Variants in PKP2 observed in about 807,000 individuals in gnomAD.
PKP2 encodes plakophilin 2.
PKP2 carries 73 observed loss-of-function variants against 83.4 expected under a neutral mutation model. The ratio of observed to expected loss-of-function variants is 0.88; its 90% confidence interval spans 0.72 to 1.06. The LOEUF is 1.06. PKP2 is among the 50% of genes least tolerant of loss of function. The pLI, the probability that PKP2 is intolerant of heterozygous loss-of-function variation, is 0.00. For missense variants in PKP2, 966 were observed against 1,065.4 expected (o/e 0.91, Z 1.30); for synonymous variants, 409 against 430.4 (o/e 0.95, Z 0.62).
At chr12:32,833,857 C>T (rs1412758882) in intron 6 of PKP2, among the ~76,000 whole-genome samples, 6 of 152,146 alleles carry the variant, frequency 3.9e-5, no homozygotes, top group Non-Finnish European at 4.4e-5. Flanking sequence ...ACAAAGCAGA[C>T]TGCACCTTTA....
At chr12:32,809,585 G>T (rs1114702) in intron 9 of PKP2, among the ~76,000 whole-genome samples, 132,444 of 152,234 alleles carry the variant, frequency 0.87, 57,894 homozygotes, top group Non-Finnish European at 0.92. Context: ...CCTAGGGGAA[G>T]GTACAAAGGG....
intron 6 of PKP2, among the ~76,000 whole-genome samples, chr12:32,828,633 C>T (rs939675700): frequency 6.6e-6 from 1 of 152,186 alleles, no homozygotes; most frequent in Non-Finnish European, 1.5e-5. Context: ...GTTACAGGCT[C>T]TTCCACATAA....
At chr12:32,851,036 G>A in intron 4 of PKP2, 63 bp from the exon 5 acceptor site, 1 of 1,337,238 alleles carries the variant, frequency 7.5e-7, no homozygotes, top group South Asian at 1.2e-5. Context: ...GGCATTCAAT[G>A]TAATACAAAC....
rs190640544 is a variant in PKP2, at chr12:32,841,259, C to T, written c.1379-54G>A. 464 of 1,480,770 alleles carry T rather than the reference C, an allele frequency of 3.1e-4. No individual in the cohort carries two copies. The African/African-American group carries it at 5.4e-3, about 17-fold the overall frequency. 91.7% of individuals were successfully genotyped at this position (1,480,770 alleles called of 1,614,324 possible). A position where few individuals can be genotyped will look rare whatever the true frequency, so the allele number is the denominator to read the frequency against. On this transcript the variant is annotated intron_variant, in intron 5 of 12. Coordinates refer to ENST00000340811, the MANE Select transcript of PKP2 (RefSeq NM_001005242.3). ...CAGTGCAGGGTGGGACCAAAATGAC[C>T]GCTGAAAAGTTCAGTCAAGGCCATC... is the stretch of plus-strand genomic sequence containing the variant.
chr12:32,815,431 T>A (rs1956312114), intron 9 of PKP2, among the ~76,000 whole-genome samples: 1 of 152,178 alleles, frequency 6.6e-6, no homozygotes, highest in Non-Finnish European at 1.5e-5. Context: ...AAAGAACATA[T>A]CTTATCCATC....
chr12:32,821,482 G>A lies in PKP2; in HGVS notation c.1887C>T (p.Gly629=), dbSNP rs368325383. The change falls in exon 9 of 13, where the codon GGC becomes GGT. Residue 629 remains glycine, a synonymous_variant. Transcript: ENST00000340811. The part of the protein sequence containing the change: ...PMPEEKSNPK[G]VEWLWHSIVI... Reference sequence around the variant, plus strand: ...CAATGGAATGCCACAGCCACTCCACGCCCTTGGGGTTGCTCTTTTCCTCCG... The same window carrying A: ...CAATGGAATGCCACAGCCACTCCACACCCTTGGGGTTGCTCTTTTCCTCCG... The A allele has an allele frequency of 3.6e-5, 58 of 1,613,882 alleles. No individual in the cohort carries two copies. Among genetic ancestry groups the A allele is most frequent in the South Asian group, 6.6e-5 (6 of 91,076 alleles).
intron 6 of PKP2, among the ~76,000 whole-genome samples, chr12:32,839,999 T>C (rs1433018279): frequency 6.6e-6 from 1 of 152,138 alleles, no homozygotes; most frequent in African/African-American, 2.4e-5. Context: ...ATGCCATGAA[T>C]GGTCCTTTGT....
intron 5 of PKP2, 89 bp from the exon 6 acceptor site, chr12:32,841,294 G>A: frequency 9.3e-6 from 10 of 1,073,910 alleles, no homozygotes; most frequent in Non-Finnish European, 1.4e-5. Flanking sequence ...CAACTCCAGG[G>A]CTATGACTAG....
intron 9 of PKP2, among the ~76,000 whole-genome samples, chr12:32,819,283 AAATACAATAC>A (rs139908317): frequency 1.1e-3 from 41 of 36,498 alleles, no homozygotes; most frequent in African/African-American, 3.2e-3. Context: ...GCCTCAAAAT[AAATACAATAC>A]AATACAATAC....
At chr12:32,858,648 A>G (rs1249088276) in intron 4 of PKP2, among the ~76,000 whole-genome samples, 1 of 151,096 alleles carries the variant, frequency 6.6e-6, no homozygotes, top group Non-Finnish European at 1.5e-5. Context: ...ATGATGAAAG[A>G]TACAAAAAAC....
intron 6 of PKP2, among the ~76,000 whole-genome samples, chr12:32,837,520 C>A (rs183674573): frequency 1.3e-5 from 2 of 152,106 alleles, no homozygotes; most frequent in African/African-American, 4.8e-5. Context: ...CAGATGAAAT[C>A]GGAATGGACA....
intron 11 of PKP2, among the ~76,000 whole-genome samples, chr12:32,793,642 C>A: frequency 1.3e-5 from 1 of 78,960 alleles, no homozygotes; most frequent in Admixed American, 1.7e-4. Context: ...TTTTTTGAGG[C>A]TGGAGTGCAG....
intron 6 of PKP2, among the ~76,000 whole-genome samples, chr12:32,836,483 G>A (rs1316482927): frequency 1.3e-5 from 2 of 152,222 alleles, no homozygotes; most frequent in Admixed American, 6.5e-5. Flanking sequence ...ATGCAGAGCA[G>A]ATTTACTCAG....
intron 1 of PKP2, among the ~76,000 whole-genome samples, chr12:32,879,317 G>A (rs1956964744): frequency 6.6e-6 from 1 of 152,216 alleles, no homozygotes; most frequent in Admixed American, 6.5e-5. Context: ...TGGATCACCT[G>A]AGGTCAGGAG....
chr12:32,808,170 C>T (rs9988941), intron 9 of PKP2, among the ~76,000 whole-genome samples: 29,695 of 152,072 alleles, frequency 0.2, 3,560 homozygotes, highest in East Asian at 0.56. Flanking sequence ...CAGTCAGTTG[C>T]AGGTTCCATC....
chr12:32,792,053 G>A lies in PKP2; in HGVS notation c.*371C>T. The A allele has an allele frequency of 3.0e-6, 1 of 336,866 alleles. No homozygotes were observed. Among genetic ancestry groups the A allele is most frequent in the Non-Finnish European group, 5.7e-6 (1 of 176,682 alleles). 20.9% of individuals were successfully genotyped at this position (336,866 alleles called of 1,614,324 possible). On this transcript the variant is annotated 3_prime_UTR_variant, in exon 13 of 13. Coordinates refer to ENST00000340811, the MANE Select transcript of PKP2 (RefSeq NM_001005242.3). ...CATGAGTGACAAAACATGGGAACCA[G>A]AAAAGGAATATAAATGTAAATCAAA...
intron 1 of PKP2, among the ~76,000 whole-genome samples, chr12:32,886,920 G>A (rs561085934): frequency 2.6e-5 from 4 of 152,140 alleles, no homozygotes; most frequent in South Asian, 2.1e-4. Context: ...GATTGCTTGA[G>A]CCCTGGAGAC....
chr12:32,852,139 C>T (rs1476581421), intron 4 of PKP2, among the ~76,000 whole-genome samples: 1 of 152,130 alleles, frequency 6.6e-6, no homozygotes, highest in Admixed American at 6.5e-5. Context: ...TTTAAGTTGC[C>T]AAGAGCTGTT....
At chr12:32,867,516 A>T (rs1219296872) in intron 4 of PKP2, among the ~76,000 whole-genome samples, 1 of 152,218 alleles carries the variant, frequency 6.6e-6, no homozygotes, top group East Asian at 1.9e-4. Context: ...GTACCTCAAT[A>T]AGGTAGTTAA....
Sources: allele counts gnomAD v4.1 joint callset (sites outside exome capture counted in the v4.1 genomes callset), GRCh38; gene constraint gnomAD v4.1.1; transcripts MANE v1.5; gene names NCBI Gene and HGNC (gene_info 2026-07-23, HGNC 2026-07-21).